The following ST3GAL3 variants were observed in gnomAD, a reference collection of about 807,000 sequenced individuals.
ST3GAL3 encodes the protein CMP-N-acetylneuraminate-beta-1,4-galactoside alpha-2,3-sialyltransferase.
Under a neutral mutation model 50.1 loss-of-function variants are expected in ST3GAL3, and 21 were observed. The observed-to-expected ratio is 0.42, with a 90% CI of 0.30 to 0.60. The LOEUF is 0.60. ST3GAL3 is among the 20% of genes least tolerant of loss of function. ST3GAL3 has a pLI of 0.19. For synonymous variants in ST3GAL3, 183 were observed against 190.0 expected (o/e 0.96, Z 0.30); for missense variants, 353 against 489.4 (o/e 0.72, Z 2.63).
intron 5 of ST3GAL3, among the ~76,000 whole-genome samples, chr1:43,876,969 G>A (rs1254417188): frequency 6.6e-6 from 1 of 152,172 alleles, no homozygotes; most frequent in African/African-American, 2.4e-5. Flanking sequence ...GGTGAAAAAT[G>A]GCAGAAATAG....
At chr1:43,782,930 T>C (rs748522512) in intron 2 of ST3GAL3, among the ~76,000 whole-genome samples, 10 of 152,184 alleles carry the variant, frequency 6.6e-5, no homozygotes, top group Non-Finnish European at 1.2e-4. Flanking sequence ...AGAAGAAATA[T>C]TAATATTTAA....
intron 2 of ST3GAL3, among the ~76,000 whole-genome samples, chr1:43,746,497 C>T (rs796667503): frequency 6.8e-5 from 10 of 146,868 alleles, no homozygotes; most frequent in African/African-American, 2.5e-4. Context: ...GAGTCTCACT[C>T]TGTCACCCAG....
chr1:43,757,061 C>T (rs370027134), intron 2 of ST3GAL3, among the ~76,000 whole-genome samples: 12 of 152,190 alleles, frequency 7.9e-5, no homozygotes, highest in East Asian at 3.9e-4. Flanking sequence ...CCCACCACCA[C>T]GCCTAGCTAA....
In ST3GAL3 at chr1:43,899,594, C is replaced by T. The variant is rs2077939695; in HGVS notation, c.611C>T (p.Thr204Ile). ...GFEKDVGSKT[T>I]LRITYPEGAM... The stretch of plus-strand genomic sequence containing the variant: ...GAGAAGGACGTGGGCAGCAAAACGA[C>T]ACTGCGCATCACCTACCCCGAGGGC... The change falls in exon 9 of 12, where the codon ACA (threonine) becomes ATA (isoleucine). Residue 204 changes from threonine (T) to isoleucine (I), a missense_variant. Coordinates refer to ENST00000347631, the MANE Select transcript of ST3GAL3 (RefSeq NM_006279.5). The surrounding 1 kb of genome is among the most constrained non-coding windows in gnomAD (Gnocchi z 5.4). 1.2e-6 allele frequency: 2 copies of T among 1,614,118 alleles called. No homozygotes were observed. Among genetic ancestry groups the T allele is most frequent in the Non-Finnish European group, 1.7e-6 (2 of 1,180,030 alleles).
intron 3 of ST3GAL3, 78 bp from the exon 4 acceptor site, chr1:43,814,813 G>T (rs1313478576): frequency 1.4e-6 from 2 of 1,385,776 alleles, no homozygotes; most frequent in African/African-American, 1.4e-5. Flanking sequence ...TGTCCCTGTG[G>T]TCTAGGTCTG....
intron 3 of ST3GAL3, among the ~76,000 whole-genome samples, chr1:43,812,348 G>C (rs2154174411): frequency 6.6e-6 from 1 of 152,338 alleles, no homozygotes; most frequent in South Asian, 2.1e-4. Context: ...ACACTCTCCA[G>C]ATGGACTCAG....
intron 5 of ST3GAL3, among the ~76,000 whole-genome samples, chr1:43,893,261 T>C (rs138308385): frequency 3.3e-5 from 5 of 152,338 alleles, no homozygotes; most frequent in Non-Finnish European, 5.9e-5. Flanking sequence ...CCTCCAGTTA[T>C]TCAGTGGCTG....
intron 4 of ST3GAL3, among the ~76,000 whole-genome samples, chr1:43,831,201 G>A (rs2063498873): frequency 6.6e-6 from 1 of 152,160 alleles, no homozygotes; most frequent in Admixed American, 6.5e-5. Flanking sequence ...AGAAAGTAGG[G>A]GCTTTGGGAA....
At chr1:43,850,468 T>C in intron 5 of ST3GAL3, 1 of 602,336 alleles carries the variant, frequency 1.7e-6, no homozygotes, top group South Asian at 1.4e-5. Flanking sequence ...TCTATCCCTC[T>C]GTGGATAAAG....
intron 4 of ST3GAL3, among the ~76,000 whole-genome samples, chr1:43,833,622 A>C (rs2063835631): frequency 6.6e-6 from 1 of 152,320 alleles, no homozygotes; most frequent in South Asian, 2.1e-4. Context: ...GCCCCAAATC[A>C]CACAGCTATT....
chr1:43,735,010 A>T (rs947490376), intron 1 of ST3GAL3, among the ~76,000 whole-genome samples: 6 of 152,082 alleles, frequency 3.9e-5, no homozygotes, highest in Non-Finnish European at 8.8e-5. Context: ...GACCTTGAGG[A>T]TAGAAACAAG....
chr1:43,750,780 C>CTCAG (rs1208005458), intron 2 of ST3GAL3, among the ~76,000 whole-genome samples: 1 of 151,542 alleles, frequency 6.6e-6, no homozygotes, highest in Non-Finnish European at 1.5e-5. Context: ...CACCTGTAGT[C>CTCAG]TCAGCTACTT....
chr1:43,856,849 A>C (rs1366846973), intron 5 of ST3GAL3, among the ~76,000 whole-genome samples: 2 of 152,222 alleles, frequency 1.3e-5, no homozygotes, highest in Non-Finnish European at 1.5e-5. Flanking sequence ...TTAGCCTGCC[A>C]GTTCCCTATA....
chr1:43,908,073 C>T (rs1020893339), intron 9 of ST3GAL3, among the ~76,000 whole-genome samples: 1 of 152,172 alleles, frequency 6.6e-6, no homozygotes, highest in African/African-American at 2.4e-5. Flanking sequence ...GTGGGCACAG[C>T]GCTGGGTTCT....
chr1:43,721,604 CTTT>C (rs1033985637), intron 1 of ST3GAL3, among the ~76,000 whole-genome samples: 1 of 150,280 alleles, frequency 6.7e-6, no homozygotes, highest in Non-Finnish European at 1.5e-5. Flanking sequence ...GTGCCTGGCT[CTTT>C]TTTTGTTTTG....
In ST3GAL3 at chr1:43,850,985, AG is replaced by A. The variant is rs144808120; in HGVS notation, c.302+12675del. ...CTTGGCAGCCTCTCAGGTTCTTGTG[AG>A]TGGTGGTGGCAGTGTTCAAATGGGG... On this transcript the variant is annotated intron_variant, in intron 5 of 11. Transcript: ENST00000347631. 524 of 894,026 alleles carry A rather than the reference AG, an allele frequency of 5.9e-4. 4 individuals carry two copies. The African/African-American group carries it at 7.8e-3, about 13-fold the overall frequency. 55.4% of individuals were successfully genotyped at this position (894,026 alleles called of 1,614,324 possible).
At chr1:43,885,995 G>A (rs531055066) in intron 5 of ST3GAL3, among the ~76,000 whole-genome samples, 10 of 152,344 alleles carry the variant, frequency 6.6e-5, no homozygotes, top group South Asian at 4.1e-4. Context: ...AAATTCTAGC[G>A]TTCCATGACA....
At chr1:43,923,928 G>A (rs912796256) in intron 11 of ST3GAL3, among the ~76,000 whole-genome samples, 15 of 152,086 alleles carry the variant, frequency 9.9e-5, no homozygotes, top group Admixed American at 2.0e-4. Flanking sequence ...AGTCTTATAA[G>A]GGCACTAATC....
At chr1:43,758,620 G>T (rs1372958867) in intron 2 of ST3GAL3, among the ~76,000 whole-genome samples, 1 of 152,142 alleles carries the variant, frequency 6.6e-6, no homozygotes, top group Admixed American at 6.5e-5. Flanking sequence ...CCTTTGGTGG[G>T]TCAGTTAAGT....
Sources: allele counts gnomAD v4.1 joint callset (sites outside exome capture counted in the v4.1 genomes callset), GRCh38; gene constraint gnomAD v4.1.1; non-coding constraint Gnocchi (gnomAD v3.1); transcripts MANE v1.5; gene names NCBI Gene and HGNC (gene_info 2026-07-23, HGNC 2026-07-21).